The following CSMD3 variants were observed in gnomAD, a reference collection of about 807,000 sequenced individuals.
CSMD3 encodes the protein CUB and sushi domain-containing protein 3.
In CSMD3, 177 loss-of-function variants were observed where a neutral mutation model predicts 435.2. The ratio of observed to expected loss-of-function variants is 0.41; its 90% CI spans 0.36 to 0.46. The LOEUF is 0.46. CSMD3 is among the 20% of genes least tolerant of loss of function. The pLI is 0.34. For synonymous variants in CSMD3, 1,656 were observed against 1,520.5 expected (o/e 1.09, Z -2.07); for missense variants, 4,265 against 4,504.6 (o/e 0.95, Z 1.52).
At chr8:112,948,030 A>G (rs1392719145) in intron 8 of CSMD3, among the ~76,000 whole-genome samples, 153 bp from the exon 9 acceptor site, 2 of 151,976 alleles carry the variant, frequency 1.3e-5, no homozygotes, top group Non-Finnish European at 2.9e-5. Context: ...ATTTTATAAA[A>G]CAATAAAGAA....
intron 22 of CSMD3, among the ~76,000 whole-genome samples, chr8:112,631,422 A>T (rs1026992854): frequency 5.9e-5 from 9 of 152,234 alleles, no homozygotes; most frequent in African/African-American, 2.2e-4. Flanking sequence ...GTATAAAAAA[A>T]CGATAGTCTT....
At chr8:113,357,710 G>A (rs933179475) in intron 1 of CSMD3, among the ~76,000 whole-genome samples, 1 of 152,190 alleles carries the variant, frequency 6.6e-6, no homozygotes, top group Admixed American at 6.5e-5. Flanking sequence ...GGACCTAGTA[G>A]AAGATGACTG....
chr8:113,146,591 T>G (rs1165608811), intron 4 of CSMD3, among the ~76,000 whole-genome samples: 3 of 151,520 alleles, frequency 2.0e-5, no homozygotes, highest in African/African-American at 7.3e-5. Context: ...GCAAAGAATA[T>G]GCATTACCAA....
chr8:112,943,514 G>A (rs2083514509), intron 9 of CSMD3, among the ~76,000 whole-genome samples: 1 of 151,524 alleles, frequency 6.6e-6, no homozygotes, highest in Non-Finnish European at 1.5e-5. Flanking sequence ...GTAATTCACT[G>A]AGTAATCACA....
chr8:113,417,651 A>G (rs1401442012), intron 1 of CSMD3, among the ~76,000 whole-genome samples: 1 of 152,004 alleles, frequency 6.6e-6, no homozygotes, highest in Non-Finnish European at 1.5e-5. Flanking sequence ...TGTACACTAT[A>G]GGCTGTCTTA....
At chr8:112,537,934 G>C (rs141406893) in intron 27 of CSMD3, among the ~76,000 whole-genome samples, 4 of 151,892 alleles carry the variant, frequency 2.6e-5, no homozygotes, top group Admixed American at 2.0e-4. Flanking sequence ...AGAAAACAAA[G>C]AGCCTCAACC....
At position 112,279,283 on chromosome 8, in the gene CSMD3, A is replaced by T. The variant is rs891775641; in HGVS notation, c.9508+1891T>A. Among the ~76,000 whole-genome samples the T allele has an allele frequency of 3.3e-5, 5 of 152,180 alleles. No individual in the cohort carries two copies. The South Asian group carries it at 6.2e-4, about 19-fold the overall frequency. On this transcript the variant is annotated intron_variant, in intron 59 of 70. Transcript: ENST00000297405. ...ATACTGGGCCTCAAATTACAGTTATATGAGGAGATACCACTGAATGTACAA... is the reference window on the plus strand; with the variant it reads ...ATACTGGGCCTCAAATTACAGTTATTTGAGGAGATACCACTGAATGTACAA...
At chr8:112,717,456 T>C (rs1268485236) in intron 13 of CSMD3, among the ~76,000 whole-genome samples, 1 of 152,192 alleles carries the variant, frequency 6.6e-6, no homozygotes, top group African/African-American at 2.4e-5. Flanking sequence ...GCTTTTACAC[T>C]GTTGTTGGGA....
intron 16 of CSMD3, among the ~76,000 whole-genome samples, chr8:112,681,631 C>T (rs567747411): frequency 2.0e-5 from 3 of 151,858 alleles, no homozygotes; most frequent in South Asian, 2.1e-4. Flanking sequence ...TTTGGGAGGC[C>T]GAGGCAGACA....
intron 32 of CSMD3, among the ~76,000 whole-genome samples, chr8:112,469,121 T>A (rs996346226): frequency 2.2e-4 from 24 of 110,782 alleles, no homozygotes; most frequent in African/African-American, 8.7e-4. Context: ...TTAAAAGTAA[T>A]GGCAAAAATA....
intron 32 of CSMD3, among the ~76,000 whole-genome samples, chr8:112,450,683 A>G (rs1282821662): frequency 6.6e-6 from 1 of 152,176 alleles, no homozygotes; most frequent in African/African-American, 2.4e-5. Flanking sequence ...TCAAAAATTT[A>G]ATTGTACAAA....
At position 112,933,795 on chromosome 8, in the gene CSMD3, G is replaced by A. The variant is rs146478972; in HGVS notation, c.1509-12044C>T. 3.3e-3 allele frequency among the ~76,000 whole-genome samples: 507 copies of A among 152,182 alleles called. 2 individuals carry two copies. The highest frequency in any genetic ancestry group is 0.014 in the Middle Eastern group (4 of 294). On this transcript the variant is annotated intron_variant, in intron 9 of 70. Transcript: ENST00000297405. ...AAGTTCCAAAAGCCTGAGCTAGTGA[G>A]GGGGTAAAGACAGTTTTGCCGTGGG...
At chr8:112,429,950 G>T (rs548829975) in intron 32 of CSMD3, among the ~76,000 whole-genome samples, 1 of 151,888 alleles carries the variant, frequency 6.6e-6, no homozygotes, top group Non-Finnish European at 1.5e-5. Context: ...AGAAGAAATT[G>T]AGGTCAAAGT....
At position 112,420,838 on chromosome 8, in the gene CSMD3, G is replaced by A. The variant is rs552198129; in HGVS notation, c.5396-11806C>T. 4.2e-4 allele frequency among the ~76,000 whole-genome samples: 64 copies of A among 152,196 alleles called. No individual in the cohort carries two copies. The South Asian group carries it at 0.011, about 27-fold the overall frequency. ...AGTTAGAGAAGTTTTGTTTCTCTCC[G>A]CTTTATGTGTGGGACTTTGACACAC... On this transcript the variant is annotated intron_variant, in intron 32 of 70. Coordinates refer to ENST00000297405, the MANE Select transcript of CSMD3 (RefSeq NM_198123.2).
At chr8:112,414,823 G>C (rs1811731624) in intron 32 of CSMD3, among the ~76,000 whole-genome samples, 1 of 152,142 alleles carries the variant, frequency 6.6e-6, no homozygotes, top group African/African-American at 2.4e-5. Context: ...CTAGAATAAA[G>C]GTGATTCTTT....
intron 9 of CSMD3, among the ~76,000 whole-genome samples, chr8:112,939,446 T>C (rs1425787926): frequency 1.3e-5 from 2 of 152,134 alleles, no homozygotes; most frequent in Non-Finnish European, 2.9e-5. Context: ...ACTGTGGCAT[T>C]TCAGTTTGGT....
intron 1 of CSMD3, among the ~76,000 whole-genome samples, chr8:113,405,816 G>A (rs765483555): frequency 2.0e-5 from 3 of 151,712 alleles, no homozygotes; most frequent in East Asian, 1.9e-4. Flanking sequence ...TATGATCTAG[G>A]GTATATAGTA....
At chr8:113,313,481 C>G (rs150491001) in intron 2 of CSMD3, 1 of 152,004 alleles carries the variant, frequency 6.6e-6, no homozygotes, top group African/African-American at 2.4e-5. Flanking sequence ...GCCCCGACAC[C>G]CGGCTAATTT....
intron 38 of CSMD3, among the ~76,000 whole-genome samples, chr8:112,354,913 A>G (rs189683796): frequency 6.6e-6 from 1 of 152,352 alleles, no homozygotes; most frequent in African/African-American, 2.4e-5. Flanking sequence ...AACCAAAAAA[A>G]GAACAAAGCT....
Sources: gnomAD v4.1 joint callset for allele counts (sites outside exome capture counted in the v4.1 genomes callset) on GRCh38, gnomAD v4.1.1 for gene constraint, MANE v1.5 for transcripts, NCBI Gene and HGNC (gene_info 2026-07-23, HGNC 2026-07-21) for gene names.